RORA: variants seen among roughly 807,000 people sequenced by gnomAD.
RORA encodes the protein RAR related orphan receptor A, also known as nuclear receptor ROR-alpha.
A neutral mutation model predicts 69.5 loss-of-function variants in RORA; 7 were observed. The observed-to-expected ratio is 0.10, with a 90% CI of 0.06 to 0.19. The LOEUF (loss-of-function observed/expected upper bound fraction) is 0.19. RORA is among the 10% of genes least tolerant of loss of function. RORA has a pLI of 1.00. For missense variants in RORA, 457 were observed against 663.0 expected (o/e 0.69, Z 3.41); for synonymous variants, 261 against 240.8 (o/e 1.08, Z -0.78).
At chr15:61,056,749 T>C (rs539786061) in intron 1 of RORA, among the ~76,000 whole-genome samples, 2 of 152,236 alleles carry the variant, frequency 1.3e-5, no homozygotes, top group African/African-American at 4.8e-5. Context: ...ATTCCTAGAA[T>C]AGACAGGGCC....
intron 1 of RORA, among the ~76,000 whole-genome samples, chr15:61,224,438 A>C (rs1172106653): frequency 2.0e-5 from 3 of 152,226 alleles, no homozygotes; most frequent in Admixed American, 6.5e-5. Context: ...GTAAGCTAAG[A>C]AGCTCAATTC....
intron 2 of RORA, among the ~76,000 whole-genome samples, chr15:60,567,964 G>A (rs192775644): frequency 4.3e-4 from 65 of 152,246 alleles, no homozygotes; most frequent in Admixed American, 9.8e-4. Context: ...CATGCTCTGT[G>A]GCAGGGTTTC....
chr15:60,561,181 A>G (rs2067546917), intron 2 of RORA, among the ~76,000 whole-genome samples: 1 of 148,930 alleles, frequency 6.7e-6, no homozygotes, highest in Non-Finnish European at 1.5e-5. Flanking sequence ...TCCCGGGTTC[A>G]CGCCATTCTC....
At chr15:61,039,541 C>T (rs751685218) in intron 1 of RORA, among the ~76,000 whole-genome samples, 3 of 151,736 alleles carry the variant, frequency 2.0e-5, no homozygotes, top group Non-Finnish European at 2.9e-5. Context: ...GTCAGGAGTT[C>T]GAGACCAGCC....
In RORA at chr15:61,070,576, C is replaced by G. The variant is rs55847008; in HGVS notation, c.166+158477G>C. ...TAAAATACATGCTTATTCATCTGCT[C>G]ATTCATTCAGCAAACATTTATTGAA... On this transcript the variant is annotated intron_variant, in intron 1 of 10. Transcript: ENST00000335670. Among the ~76,000 whole-genome samples, 403 of 152,348 alleles carry G rather than the reference C, an allele frequency of 2.6e-3. 2 individuals are homozygous for G. The highest frequency in any genetic ancestry group is 9.2e-3 in the African/African-American group (383 of 41,582).
intron 1 of RORA, among the ~76,000 whole-genome samples, chr15:61,130,959 T>C (rs1392658032): frequency 1.3e-5 from 2 of 152,208 alleles, no homozygotes; most frequent in African/African-American, 2.4e-5. Context: ...AATTCATCAA[T>C]AGTGGTGAAG....
chr15:61,010,015 C>T (rs1348636069), intron 1 of RORA, among the ~76,000 whole-genome samples: 1 of 152,188 alleles, frequency 6.6e-6, no homozygotes, highest in Non-Finnish European at 1.5e-5. Context: ...TTGCCCCCAA[C>T]TGTACTGCTT....
chr15:60,712,938 G>GGACACAT (rs1272996518), intron 1 of RORA, among the ~76,000 whole-genome samples: 3 of 151,964 alleles, frequency 2.0e-5, no homozygotes, highest in Non-Finnish European at 2.9e-5. Flanking sequence ...CACAGCTATT[G>GGACACAT]GACACATATC....
intron 2 of RORA, among the ~76,000 whole-genome samples, chr15:60,573,615 G>C (rs1303845761): frequency 1.3e-5 from 2 of 152,108 alleles, no homozygotes; most frequent in South Asian, 4.1e-4. Context: ...AGACCCCACC[G>C]GTCTCCTCTA....
At chr15:61,011,766 G>A (rs975354883) in intron 1 of RORA, among the ~76,000 whole-genome samples, 2 of 152,204 alleles carry the variant, frequency 1.3e-5, no homozygotes, top group African/African-American at 4.8e-5. Flanking sequence ...AGCAGGTTAG[G>A]TTTAACTAAA....
intron 1 of RORA, among the ~76,000 whole-genome samples, chr15:61,099,121 T>C (rs561998736): frequency 1.5e-4 from 23 of 152,234 alleles, no homozygotes; most frequent in Non-Finnish European, 2.8e-4. Flanking sequence ...CTTTCACGTA[T>C]TGTCAATTTT....
At chr15:60,849,366 T>A (rs2140412321) in intron 1 of RORA, among the ~76,000 whole-genome samples, 1 of 152,302 alleles carries the variant, frequency 6.6e-6, no homozygotes, top group Middle Eastern at 3.4e-3. Context: ...CAATTGGATA[T>A]CATCTGAAAA....
chr15:60,663,122 T>A (rs1233402720), intron 2 of RORA, among the ~76,000 whole-genome samples: 7 of 152,334 alleles, frequency 4.6e-5, no homozygotes, highest in African/African-American at 1.7e-4. Context: ...TGTTCAAGTT[T>A]TCCTTCTGCC....
At chr15:60,610,656 G>A (rs1367829740) in intron 2 of RORA, among the ~76,000 whole-genome samples, 2 of 152,088 alleles carry the variant, frequency 1.3e-5, no homozygotes, top group African/African-American at 4.8e-5. Flanking sequence ...TTTAAGGCTT[G>A]TTCCCCATTG....
intron 2 of RORA, among the ~76,000 whole-genome samples, chr15:60,563,536 C>T (rs1374755719): frequency 6.6e-6 from 1 of 152,136 alleles, no homozygotes; most frequent in Non-Finnish European, 1.5e-5. Flanking sequence ...AATTCTGCCA[C>T]GGATGTGGTC....
intron 1 of RORA, among the ~76,000 whole-genome samples, chr15:60,842,837 G>A (rs753469239): frequency 6.6e-6 from 1 of 152,134 alleles, no homozygotes; most frequent in African/African-American, 2.4e-5. Context: ...AAGATCGGGT[G>A]GATAAAGAAG....
chr15:60,866,520 T>C (rs1172059177), intron 1 of RORA, among the ~76,000 whole-genome samples: 2 of 152,212 alleles, frequency 1.3e-5, no homozygotes, highest in East Asian at 3.9e-4. Flanking sequence ...TATTAATGAC[T>C]GCCCTTTAGG....
chr15:60,576,636 T>C (rs2068034466), intron 2 of RORA, among the ~76,000 whole-genome samples: 1 of 152,224 alleles, frequency 6.6e-6, no homozygotes, highest in African/African-American at 2.4e-5. Flanking sequence ...GTGTATCTGT[T>C]AGTCGAGGGC....
intron 1 of RORA, among the ~76,000 whole-genome samples, chr15:60,723,694 C>T (rs193155040): frequency 1.5e-4 from 23 of 152,258 alleles, no homozygotes; most frequent in Non-Finnish European, 3.2e-4. Context: ...CTCCATCCAT[C>T]CATCCTGCCA....
Sources: gnomAD v4.1 joint callset for allele counts (sites outside exome capture counted in the v4.1 genomes callset) on GRCh38, gnomAD v4.1.1 for gene constraint, MANE v1.5 for transcripts, NCBI Gene and HGNC (gene_info 2026-07-23, HGNC 2026-07-21) for gene names.